Variants in MFAP4 observed in about 807,000 individuals in gnomAD.
MFAP4 encodes microfibril associated protein 4.
Under a neutral mutation model 32.4 loss-of-function variants are expected in MFAP4, and 20 were observed. The observed-to-expected ratio is 0.62, with a 90% CI of 0.43 to 0.90. The LOEUF (loss-of-function observed/expected upper bound fraction) is 0.90. MFAP4 is among the 40% of genes least tolerant of loss of function. The probability of loss-of-function intolerance (pLI) is 0.00; values close to 1 mark genes in which losing one functional copy is unlikely to be tolerated. For synonymous variants in MFAP4, 146 were observed against 137.4 expected, an observed-to-expected ratio of 1.06 and a Z score of -0.44; for missense variants, 267 against 329.5, an observed-to-expected ratio of 0.81 and a Z score of 1.47.
rs113781366 is a variant in MFAP4 at position 19,386,394 on chromosome 17, G to T, written c.156C>A (p.Asp52Glu). Residue 52 changes from aspartate (D) to glutamate (E), a missense_variant, in exon 3 of 6, where the codon GAC becomes GAA. Physicochemically the swap from Asp to Glu is conservative, Grantham distance 45 (BLOSUM62 2). This residue lies in a region of MFAP4 where 223 missense variants were observed against 253.3 expected (regional missense o/e 0.88). Coordinates refer to ENST00000299610, the MANE Select transcript of MFAP4 (RefSeq NM_002404.3). ...CCGAGGGGTAGATGAGGTACACGCC[G>T]TCTGACTGGTAGCCCTGGGCATAGA... ...DDIYAQGYQSDGVYLIYPSGP... is the reference protein window; with the variant it reads ...DDIYAQGYQSEGVYLIYPSGP... 59 of 1,613,804 alleles carry T rather than the reference G, an allele frequency of 3.7e-5. No individual in the cohort carries two copies. The highest frequency in any genetic ancestry group is 5.3e-5 in the African/African-American group (4 of 74,870).
chr17:19,386,375 G>C lies in MFAP4; in HGVS notation c.175C>G (p.Pro59Ala), dbSNP rs781070373. ...YQSDGVYLIY[P>A]SGPSVPVPVF... ...GGCACAGGCACACTGGGGCCCGAGGGGTAGATGAGGTACACGCCGTCTGAC... is the reference window on the plus strand; with the variant it reads ...GGCACAGGCACACTGGGGCCCGAGGCGTAGATGAGGTACACGCCGTCTGAC... The change falls in exon 3 of 6, where the codon CCC (proline) becomes GCC (alanine). Residue 59 changes from proline (P) to alanine (A), a missense_variant. This residue lies in a region of MFAP4 where 223 missense variants were observed against 253.3 expected (regional missense o/e 0.88). Transcript: ENST00000299610. 1 of 1,613,934 alleles carries C rather than the reference G, an allele frequency of 6.2e-7. No individual in the cohort carries two copies. The highest frequency in any genetic ancestry group is 8.5e-7 in the Non-Finnish European group (1 of 1,179,940).
chr17:19,385,583 GGGAGGGTGGT>G, intron 3 of MFAP4, 129 bp from the exon 4 acceptor site: 2 of 777,856 alleles, frequency 2.6e-6, no homozygotes, highest in Non-Finnish European at 4.3e-6. Flanking sequence ...GTTGGGGGTG[GGGAGGGTGGT>G]GGGAGTGGGG....
Position 19,385,174 on chromosome 17 carries a change from T to C in MFAP4, c.445A>G (p.Ile149Val), listed in dbSNP as rs761692414. The C allele has an allele frequency of 6.2e-7, 1 of 1,614,256 alleles. No individual in the cohort carries two copies. Among genetic ancestry groups the C allele is most frequent in the Non-Finnish European group, 8.5e-7 (1 of 1,180,048 alleles). The change falls in exon 5 of 6, where the codon ATC becomes GTC. Residue 149 changes from isoleucine to valine, a missense_variant. Coordinates refer to ENST00000299610, the MANE Select transcript of MFAP4 (RefSeq NM_002404.3). ...TAYAKYADFS[I>V]SPNAVSAEED... ...TCTGCGCTGACCGCGTTCGGGGAGATGGAGAAGTCAGCGTACTTGGCATAG... is the reference window on the plus strand; with the variant it reads ...TCTGCGCTGACCGCGTTCGGGGAGACGGAGAAGTCAGCGTACTTGGCATAG...
intron 3 of MFAP4, 28 bp downstream of exon 3, chr17:19,386,282 C>G: frequency 6.5e-7 from 1 of 1,547,886 alleles, no homozygotes; most frequent in Non-Finnish European, 8.7e-7. Flanking sequence ...AGAACCAGCT[C>G]TGGCCTCTGT....
chr17:19,385,156 T>C lies in MFAP4; in HGVS notation c.463A>G (p.Ser155Gly). The C allele has an allele frequency of 1.9e-6, 3 of 1,614,268 alleles. No individual in the cohort carries two copies. Among genetic ancestry groups the C allele is most frequent in the South Asian group, 1.1e-5 (1 of 91,092 alleles). Residue 155 changes from serine (S) to glycine (G), a missense_variant, in exon 5 of 6, where the codon AGC becomes GGC. This residue lies in a region of MFAP4 where 223 missense variants were observed against 253.3 expected (regional missense o/e 0.88). Coordinates refer to ENST00000299610, the MANE Select transcript of MFAP4 (RefSeq NM_002404.3). ...AGGGTGTAGCCATCCTCCTCTGCGC[T>C]GACCGCGTTCGGGGAGATGGAGAAG... ...ADFSISPNAVSAEEDGYTLFV... is the reference protein window; with the variant it reads ...ADFSISPNAVGAEEDGYTLFV...
chr17:19,385,747 G>C (rs1913009823), intron 3 of MFAP4, among the ~76,000 whole-genome samples: 1 of 152,216 alleles, frequency 6.6e-6, no homozygotes, highest in African/African-American at 2.4e-5. Flanking sequence ...CCTAGCTGTG[G>C]GATCTGGGCA....
In MFAP4 at chr17:19,384,561, AC is replaced by A; in HGVS notation, c.668del (p.Gly223ValfsTer28). 1 of 1,614,112 alleles carries A rather than the reference AC, an allele frequency of 6.2e-7. No homozygotes were observed. Among genetic ancestry groups the A allele is most frequent in the African/African-American group, 1.3e-5 (1 of 75,044 alleles). ...HFANLNGFYL[G>X]GSHLSYANGI... Reference sequence around the variant, plus strand: ...CATTGGCATAAGAGAGGTGGGAGCCACCTAGGTAGAAGCCATTGAGGTTGGC... The same window carrying A: ...CATTGGCATAAGAGAGGTGGGAGCCACTAGGTAGAAGCCATTGAGGTTGGC... On this transcript the variant is annotated frameshift_variant, in exon 6 of 6. Transcript: ENST00000299610. LOFTEE classifies it high-confidence loss of function.
rs1316371152 is a variant in MFAP4 at position 19,387,142 on chromosome 17, C to T, written c.6+8G>A. The stretch of plus-strand genomic sequence containing the variant: ...ATGCTATGAGTCCCCCGACCCTGGG[C>T]CCCGTACCTTCATGCTGTCAGTTCT... On this transcript the variant is annotated splice_region_variant and intron_variant, in intron 1 of 5. Transcript: ENST00000299610. 16 of 1,610,682 alleles carry T rather than the reference C, an allele frequency of 9.9e-6. No individual in the cohort carries two copies. The highest frequency in any genetic ancestry group is 1.3e-5 in the Non-Finnish European group (15 of 1,178,654).
At chr17:19,386,209 C>T in intron 3 of MFAP4, 101 bp downstream of exon 3, 1 of 1,109,302 alleles carries the variant, frequency 9.0e-7, no homozygotes. Flanking sequence ...TCATTATCCC[C>T]ATTTTAAAGA....
At chr17:19,386,977 G>GGGCCCCCCCCCCCCCCCCCC in intron 1 of MFAP4, 139 bp from the exon 2 acceptor site, 2 of 689,452 alleles carry the variant, frequency 2.9e-6, no homozygotes, top group Non-Finnish European at 4.7e-6. Context: ...CCTCTTCCCT[G>GGGCCCCCCCCCCCCCCCCCC]CCCCCCCACC....
At chr17:19,386,977 G>GGGGGCCC in intron 1 of MFAP4, 139 bp from the exon 2 acceptor site, 1 of 689,448 alleles carries the variant, frequency 1.5e-6, no homozygotes, top group Non-Finnish European at 2.4e-6. Context: ...CCTCTTCCCT[G>GGGGGCCC]CCCCCCCACC....
intron 1 of MFAP4, 81 bp from the exon 2 acceptor site, chr17:19,386,919 T>C (rs1326269363): frequency 2.7e-6 from 4 of 1,457,762 alleles, no homozygotes; most frequent in Non-Finnish European, 3.8e-6. Context: ...GCCCCCACCA[T>C]GCATGCACAT....
Position 19,384,415 on chromosome 17 carries a change from G to A in MFAP4, c.*47C>T, listed in dbSNP as rs180798134. ...GGGCAGCAGAGGGAGCACTCATGGA[G>A]ACCATGGGTGTCCAGGGGAGGAAAG... On this transcript the variant is annotated 3_prime_UTR_variant, in exon 6 of 6. Transcript: ENST00000299610. 23 of 1,539,776 alleles carry A rather than the reference G, an allele frequency of 1.5e-5. 1 individual carries two copies. In the African/African-American group the frequency reaches 2.7e-4, roughly 18 times the overall value.
At chr17:19,384,737 G>C in intron 5 of MFAP4, 28 bp from the exon 6 acceptor site, 1 of 1,612,290 alleles carries the variant, frequency 6.2e-7, no homozygotes, top group Non-Finnish European at 8.5e-7. Flanking sequence ...GGTTGGGGCT[G>C]CTGAGGCAGG....
rs1598123205 is a variant in MFAP4 at position 19,386,359 on chromosome 17, A to G, written c.191T>C (p.Val64Ala). Residue 64 changes from valine (V) to alanine (A), a missense_variant, in exon 3 of 6, where the codon GTG becomes GCG. Coordinates refer to ENST00000299610, the MANE Select transcript of MFAP4 (RefSeq NM_002404.3). ...CATGTCACAGAAGACGGGCACAGGC[A>G]CACTGGGGCCCGAGGGGTAGATGAG... ...VYLIYPSGPS[V>A]PVPVFCDMTT... is the part of the protein sequence containing the mutation. The G allele has an allele frequency of 1.2e-5, 19 of 1,613,488 alleles. No individual in the cohort carries two copies. The highest frequency in any genetic ancestry group is 1.4e-5 in the Non-Finnish European group (16 of 1,179,838).
At chr17:19,386,214 T>C in intron 3 of MFAP4, 96 bp downstream of exon 3, 1 of 1,175,708 alleles carries the variant, frequency 8.5e-7, no homozygotes. Flanking sequence ...ATCCCCATTT[T>C]AAAGATGAAG....
At position 19,385,215 on chromosome 17, in the gene MFAP4, A is replaced by G. The variant is rs753059313; in HGVS notation, c.404T>C (p.Phe135Ser). The G allele has an allele frequency of 6.2e-7, 1 of 1,614,264 alleles. No homozygotes were observed. The highest frequency in any genetic ancestry group is 8.5e-7 in the Non-Finnish European group (1 of 1,180,040). The change falls in exon 5 of 6, where the codon TTT (phenylalanine) becomes TCT (serine). Residue 135 changes from phenylalanine to serine, a missense_variant. Physicochemically the swap from Phe to Ser is radical, Grantham distance 155 (BLOSUM62 -2). Around this residue, in one of 3 missense-constraint regions of MFAP4, gnomAD observed 223 missense variants for 253.3 expected, o/e 0.88. Coordinates refer to ENST00000299610, the MANE Select transcript of MFAP4 (RefSeq NM_002404.3). Reference sequence around the variant, plus strand: ...CTTGGCATAGGCCGTGTTGTTCTCAAAGTCCTCCAAGTCCACTCGCAGCTC... The same window carrying G: ...CTTGGCATAGGCCGTGTTGTTCTCAGAGTCCTCCAAGTCCACTCGCAGCTC... The part of the protein sequence containing the change: ...KYELRVDLED[F>S]ENNTAYAKYA...
intron 5 of MFAP4, 151 bp downstream of exon 5, chr17:19,384,948 G>A: frequency 8.9e-7 from 1 of 1,118,874 alleles, no homozygotes. Context: ...TGAGGCCCAA[G>A]CTGGTTTGAG....
chr17:19,386,977 G>GGGGCCCCCCCCCCCCCCCCCCCCAAA, intron 1 of MFAP4, 139 bp from the exon 2 acceptor site: 1 of 689,458 alleles, frequency 1.5e-6, no homozygotes, highest in Non-Finnish European at 2.4e-6. Flanking sequence ...CCTCTTCCCT[G>GGGGCCCCCCCCCCCCCCCCCCCCAAA]CCCCCCCACC....
Sources: gnomAD v4.1 joint callset for allele counts (sites outside exome capture counted in the v4.1 genomes callset) on GRCh38, gnomAD v4.1.1 for gene constraint, gnomAD v4.1.1 regional missense constraint, MANE v1.5 for transcripts, NCBI Gene and HGNC (gene_info 2026-07-23, HGNC 2026-07-21) for gene names.